RBFOX2: variants seen among roughly 807,000 people sequenced by gnomAD.
RBFOX2 encodes the protein RNA binding protein fox-1 homolog 2.
RBFOX2 carries 10 observed loss-of-function variants against 49.1 expected under a neutral mutation model. The observed-to-expected ratio is 0.20, with a 90% confidence interval of 0.13 to 0.35. The LOEUF is 0.35. Ranked by LOEUF, RBFOX2 falls within the 10% of genes least tolerant of loss-of-function variation. RBFOX2 has a pLI of 1.00. For missense variants in RBFOX2, 323 were observed against 486.9 expected, an observed-to-expected ratio of 0.66 and a Z score of 3.17; for synonymous variants, 183 against 187.4, an observed-to-expected ratio of 0.98 and a Z score of 0.19.
At chr22:35,947,823 T>A (rs1032682268) in intron 1 of RBFOX2, among the ~76,000 whole-genome samples, 3 of 152,010 alleles carry the variant, frequency 2.0e-5, no homozygotes, top group South Asian at 2.1e-4. Flanking sequence ...GTTAAAAAAA[T>A]TTTAAAGTTT....
At chr22:35,870,377 C>T (rs1027179040) in intron 1 of RBFOX2, among the ~76,000 whole-genome samples, 1 of 152,054 alleles carries the variant, frequency 6.6e-6, no homozygotes, top group African/African-American at 2.4e-5. Flanking sequence ...GAGGCTGAGG[C>T]AGGTGAATTG....
chr22:35,996,117 T>C (rs1170869654), intron 1 of RBFOX2: 10 of 152,180 alleles, frequency 6.6e-5, no homozygotes, highest in Admixed American at 6.5e-4. Context: ...GTTTTTATTT[T>C]CTCTCCCAAA....
chr22:35,905,434 T>G (rs148185680), intron 1 of RBFOX2, among the ~76,000 whole-genome samples: 3 of 152,294 alleles, frequency 2.0e-5, no homozygotes, highest in East Asian at 3.9e-4. Context: ...CATTTAAAAA[T>G]GCCCACTATT....
intron 1 of RBFOX2, among the ~76,000 whole-genome samples, chr22:36,012,418 C>T (rs915035296): frequency 3.3e-5 from 5 of 152,020 alleles, no homozygotes; most frequent in African/African-American, 7.2e-5. Context: ...TAAATAAGGG[C>T]CTGCACGAAA....
At chr22:36,024,432 A>C (rs2059353762) in intron 1 of RBFOX2, among the ~76,000 whole-genome samples, 1 of 152,198 alleles carries the variant, frequency 6.6e-6, no homozygotes, top group Non-Finnish European at 1.5e-5. Context: ...GCTTCACAAA[A>C]GGAGTTAGAA....
upstream of RBFOX2, chr22:35,938,934 T>C (rs2053405083): frequency 1.3e-6 from 2 of 1,560,902 alleles, no homozygotes; most frequent in African/African-American, 1.4e-5. Context: ...AACCATGAGA[T>C]GAAAGAAAAT....
At position 35,891,969 on chromosome 22, in the gene RBFOX2, C is replaced by CA. The variant is rs1387549828; in HGVS notation, c.-34+46877dup. Among the ~76,000 whole-genome samples, 7 of 152,070 alleles carry CA rather than the reference C, an allele frequency of 4.6e-5. 1 individual carries two copies. The highest frequency in any genetic ancestry group is 2.6e-4 in the Admixed American group (4 of 15,266). ...ACAAACTAAGAGGAAAAATATTTCA[C>CA]AAAAAACTAGTTTGTGTTTATCAAA... On this transcript the variant is annotated intron_variant, in intron 1 of 13. Transcript: ENST00000359369.
rs780559332 is a variant in RBFOX2 at position 35,761,278 on chromosome 22, T to G, written c.678A>C (p.Ala226=). The G allele has an allele frequency of 1.9e-5, 31 of 1,614,096 alleles. No individual in the cohort carries two copies. The South Asian group carries it at 3.1e-4, about 16-fold the overall frequency. ...CTGCATCATTGCCTAGGGACACATC[T>G]GCTTGAAAGCTGGATGCTGATTGGA... is the stretch of plus-strand genomic sequence containing the variant. Residue 226 remains alanine, a synonymous_variant, in exon 8 of 12, where the codon GCA becomes GCC. Coordinates refer to ENST00000405409, the Ensembl canonical transcript of RBFOX2.
chr22:35,928,222 G>T (rs770526663), intron 1 of RBFOX2, among the ~76,000 whole-genome samples: 3 of 152,148 alleles, frequency 2.0e-5, no homozygotes, highest in Non-Finnish European at 2.9e-5. Context: ...AGGAGGGTGT[G>T]TGCATATGTG....
chr22:35,926,120 T>G (rs1361907189), intron 1 of RBFOX2, among the ~76,000 whole-genome samples: 2 of 152,244 alleles, frequency 1.3e-5, no homozygotes, highest in African/African-American at 4.8e-5. Flanking sequence ...TTATACTTAA[T>G]TAGTTGGTTT....
At chr22:35,978,065 G>C (rs1370993005) in intron 1 of RBFOX2, among the ~76,000 whole-genome samples, 1 of 152,060 alleles carries the variant, frequency 6.6e-6, no homozygotes, top group Non-Finnish European at 1.5e-5. Flanking sequence ...AACATGAGGA[G>C]TAGGGTACAG....
At chr22:35,985,517 A>C (rs1305773818) in intron 1 of RBFOX2, among the ~76,000 whole-genome samples, 1 of 152,148 alleles carries the variant, frequency 6.6e-6, no homozygotes, top group Non-Finnish European at 1.5e-5. Context: ...CTGCCAAGTG[A>C]AGCCACAAAT....
chr22:35,818,601 T>C (rs373579810), intron 1 of RBFOX2, among the ~76,000 whole-genome samples: 3 of 151,982 alleles, frequency 2.0e-5, no homozygotes, highest in Non-Finnish European at 4.4e-5. Context: ...CTGGGCAACA[T>C]AGCGAGACCC....
chr22:35,840,633 T>G, upstream of RBFOX2: 3 of 514,038 alleles, frequency 5.8e-6, no homozygotes, highest in Non-Finnish European at 7.5e-6. Flanking sequence ...CGTGTGTGCG[T>G]GTGTGTGTGT....
chr22:35,775,420 G>C (rs1019155207), intron 4 of RBFOX2, among the ~76,000 whole-genome samples: 8 of 152,148 alleles, frequency 5.3e-5, no homozygotes, highest in African/African-American at 1.9e-4. Context: ...AAGAAAAATG[G>C]GGCAGTGAGG....
intron 1 of RBFOX2, among the ~76,000 whole-genome samples, chr22:35,987,988 G>A (rs574254929): frequency 6.6e-5 from 10 of 152,250 alleles, no homozygotes; most frequent in South Asian, 6.2e-4. Flanking sequence ...GGTGAGGTTG[G>A]GGCAACAGTA....
intron 1 of RBFOX2, among the ~76,000 whole-genome samples, chr22:35,835,593 C>T (rs1957511539): frequency 6.6e-6 from 1 of 151,872 alleles, no homozygotes; most frequent in African/African-American, 2.4e-5. Context: ...TGTAGCAATA[C>T]AAATTTAAGT....
At chr22:35,769,028 T>C (rs1167594324) in intron 4 of RBFOX2, among the ~76,000 whole-genome samples, 1 of 152,334 alleles carries the variant, frequency 6.6e-6, no homozygotes, top group African/African-American at 2.4e-5. Context: ...CAGTGGTCAA[T>C]TATAACTTTT....
At chr22:36,024,292 T>G (rs991669495) in intron 1 of RBFOX2, among the ~76,000 whole-genome samples, 1 of 152,196 alleles carries the variant, frequency 6.6e-6, no homozygotes, top group African/African-American at 2.4e-5. Flanking sequence ...TTTAGAAGCT[T>G]ACAATCTTAG....
Sources: allele counts gnomAD v4.1 joint callset (sites outside exome capture counted in the v4.1 genomes callset), GRCh38; gene constraint gnomAD v4.1.1; transcripts MANE v1.5; gene names NCBI Gene and HGNC (gene_info 2026-07-23, HGNC 2026-07-21).